The following STK38 variants were observed in gnomAD, a reference collection of about 807,000 sequenced individuals.
STK38 encodes serine/threonine-protein kinase 38.
In STK38, 26 loss-of-function variants were observed where a neutral mutation model predicts 59.0. That is an observed-to-expected ratio of 0.44 (90% CI 0.32 to 0.61). STK38 has a LOEUF of 0.61. STK38 is among the 20% of genes least tolerant of loss of function. The pLI is 0.04. For synonymous variants in STK38, 175 were observed against 176.6 expected, an observed-to-expected ratio of 0.99 and a Z score of 0.07; for missense variants, 433 against 566.0, an observed-to-expected ratio of 0.76 and a Z score of 2.38.
At chr6:36,525,480 C>T (rs1777488854) in intron 3 of STK38, 111 bp downstream of exon 3, 5 of 918,262 alleles carry the variant, frequency 5.4e-6, no homozygotes, top group Non-Finnish European at 8.5e-6. Context: ...CCTCAAGTTC[C>T]TCTGTTATTG....
intron 9 of STK38, among the ~76,000 whole-genome samples, chr6:36,502,569 AAGT>A (rs1776865129): frequency 6.6e-6 from 1 of 152,200 alleles, no homozygotes; most frequent in Non-Finnish European, 1.5e-5. Context: ...TTTTTTAATG[AAGT>A]AGTATTTGTT....
At chr6:36,513,281 G>A (rs1403332042) in intron 7 of STK38, among the ~76,000 whole-genome samples, 1 of 149,802 alleles carries the variant, frequency 6.7e-6, no homozygotes, top group East Asian at 2.0e-4. Context: ...GCCTCCCAAA[G>A]TGCTGGGATT....
rs1028509541 is a variant in STK38 at position 36,520,710 on chromosome 6, G to C, written c.390+1024C>G. On this transcript the variant is annotated intron_variant, in intron 5 of 13. Transcript: ENST00000229812. ...GTTAGCATAAACTATAGTGTCTCAA[G>C]ACTTACCGCCCAGGTATTTGATACT... Among the ~76,000 whole-genome samples, 11 of 152,072 alleles carry C rather than the reference G, an allele frequency of 7.2e-5. 1 individual carries two copies. Among genetic ancestry groups the C allele is most frequent in the African/African-American group, 1.9e-4 (8 of 41,410 alleles).
At chr6:36,514,154 C>CA (rs762095229) in intron 7 of STK38, among the ~76,000 whole-genome samples, 27,807 of 78,496 alleles carry the variant, frequency 0.35, 4,364 homozygotes, top group East Asian at 0.6. Context: ...GACTCCGTCT[C>CA]AAAAAAAAAA....
chr6:36,498,582 CTTTTTTCT>C lies in STK38; in HGVS notation c.953-104_953-97del. ...AATAAAATTCTATGTCTTTTTTTTTCTTTTTTCTTTTTTTTTTTTTTTTGAGACAGGGT... is the reference window on the plus strand; with the variant it reads ...AATAAAATTCTATGTCTTTTTTTTTCTTTTTTTTTTTTTTTGAGACAGGGT... On this transcript the variant is annotated intron_variant, in intron 10 of 13. Coordinates refer to ENST00000229812, the MANE Select transcript of STK38 (RefSeq NM_007271.4). The C allele has an allele frequency of 2.3e-5, 24 of 1,038,946 alleles. 1 individual carries two copies. The highest frequency in any genetic ancestry group is 3.4e-4 in the Middle Eastern group (1 of 2,966). 64.4% of individuals were successfully genotyped at this position (1,038,946 alleles called of 1,614,324 possible).
intron 9 of STK38, 75 bp from the exon 10 acceptor site, chr6:36,500,065 G>T: frequency 1.8e-6 from 2 of 1,109,384 alleles, no homozygotes; most frequent in South Asian, 1.2e-5. Context: ...GAAACCAAAG[G>T]CTATGAGTAA....
intron 5 of STK38, among the ~76,000 whole-genome samples, chr6:36,520,383 G>A (rs894398806): frequency 1.3e-5 from 2 of 152,076 alleles, no homozygotes; most frequent in South Asian, 4.1e-4. Context: ...AACCATGCGG[G>A]GCACCTGGTA....
intron 7 of STK38, among the ~76,000 whole-genome samples, chr6:36,509,902 G>A (rs11755264): frequency 0.2 from 29,820 of 152,058 alleles, 3,108 homozygotes; most frequent in East Asian, 0.39. Context: ...GCAGCAGGTC[G>A]TCTGACCATC....
intron 2 of STK38, among the ~76,000 whole-genome samples, chr6:36,534,939 T>TA (rs1005441508): frequency 3.3e-5 from 5 of 150,224 alleles, no homozygotes; most frequent in South Asian, 4.2e-4. Flanking sequence ...ATATGCAAAT[T>TA]AAAAAAAAAT....
rs1432895890 is a variant in STK38, at chr6:36,515,205, A to T, written c.669+133T>A. On this transcript the variant is annotated intron_variant, in intron 7 of 13. Coordinates refer to ENST00000229812, the MANE Select transcript of STK38 (RefSeq NM_007271.4). Reference sequence around the variant, plus strand: ...GAAGTGACAGCAAACTTACCTGTTTAAAAAAAAAAGGAAAATCATGACAAG... The same window carrying T: ...GAAGTGACAGCAAACTTACCTGTTTTAAAAAAAAAGGAAAATCATGACAAG... The T allele has an allele frequency of 1.4e-5, 10 of 712,296 alleles. No individual in the cohort carries two copies. The East Asian group carries it at 2.3e-4, about 17-fold the overall frequency. 44.1% of individuals were successfully genotyped at this position (712,296 alleles called of 1,614,324 possible).
intron 10 of STK38, among the ~76,000 whole-genome samples, chr6:36,499,005 C>T (rs1776773461): frequency 6.6e-6 from 1 of 152,052 alleles, no homozygotes. Flanking sequence ...TCATTTTCCC[C>T]CAAACTCCCA....
intron 3 of STK38, among the ~76,000 whole-genome samples, chr6:36,524,747 G>A (rs1298128865): frequency 1.3e-5 from 2 of 152,204 alleles, no homozygotes; most frequent in Non-Finnish European, 2.9e-5. Flanking sequence ...TTGGTGAAGG[G>A]AGGGATAAAT....
intron 2 of STK38, among the ~76,000 whole-genome samples, chr6:36,531,443 G>A (rs1354530983): frequency 6.6e-5 from 10 of 152,232 alleles, no homozygotes; most frequent in African/African-American, 2.4e-4. Flanking sequence ...AAACTGCTAT[G>A]AATTATCTAA....
At chr6:36,527,203 AAAAAATATATG>A (rs1777537964) in intron 2 of STK38, among the ~76,000 whole-genome samples, 2 of 121,124 alleles carry the variant, frequency 1.7e-5, no homozygotes, top group African/African-American at 6.7e-5. Flanking sequence ...AAAAAAAAAA[AAAAAATATATG>A]TATATATATA....
At chr6:36,523,108 C>T (rs2127480306) in intron 4 of STK38, among the ~76,000 whole-genome samples, 1 of 152,070 alleles carries the variant, frequency 6.6e-6, no homozygotes, top group East Asian at 1.9e-4. Context: ...TAATTGAGTA[C>T]CACAACCCTT....
rs1426459496 is a variant in STK38 at position 36,496,777 on chromosome 6, T to C, written c.1201A>G (p.Ile401Val). ...RERPAAISIE[I>V]KSIDDTSNFD... ...TTTGAGGTATCATCAATGCTTTTGA[T>C]TTCAATAGATATTGCAGCAGGTCTC... Residue 401 changes from isoleucine (I) to valine (V), a missense_variant, in exon 13 of 14, where the codon ATC becomes GTC. Transcript: ENST00000229812. The C allele has an allele frequency of 6.2e-7, 1 of 1,613,312 alleles. No individual in the cohort carries two copies. Among genetic ancestry groups the C allele is most frequent in the South Asian group, 1.1e-5 (1 of 90,772 alleles).
intron 12 of STK38, among the ~76,000 whole-genome samples, chr6:36,497,345 C>G (rs913584061): frequency 5.9e-5 from 9 of 152,214 alleles, no homozygotes; most frequent in Non-Finnish European, 1.3e-4. Flanking sequence ...GTCTACTACC[C>G]CCACCATAAC....
chr6:36,498,299 TAA>T, intron 11 of STK38, 62 bp downstream of exon 11: 1 of 1,569,018 alleles, frequency 6.4e-7, no homozygotes, highest in East Asian at 2.2e-5. Flanking sequence ...CAAAAGTTTT[TAA>T]AAAAATGGAA....
At chr6:36,545,973 A>C (rs1267909988) in intron 1 of STK38, among the ~76,000 whole-genome samples, 1 of 152,190 alleles carries the variant, frequency 6.6e-6, no homozygotes, top group African/African-American at 2.4e-5. Context: ...TGATCACTAT[A>C]AACAACCCTC....
Sources: gnomAD v4.1 joint callset for allele counts (sites outside exome capture counted in the v4.1 genomes callset) on GRCh38, gnomAD v4.1.1 for gene constraint, MANE v1.5 for transcripts, NCBI Gene and HGNC (gene_info 2026-07-23, HGNC 2026-07-21) for gene names.